SGCZ: variants seen among roughly 807,000 people sequenced by gnomAD.
The protein encoded by SGCZ is sarcoglycan zeta.
Under a neutral mutation model 41.3 loss-of-function variants are expected in SGCZ, and 40 were observed. That is an observed-to-expected ratio of 0.97 (90% CI 0.75 to 1.26). The LOEUF is 1.26. SGCZ is among the 50% of genes most tolerant of loss of function. The probability of loss-of-function intolerance (pLI) is 0.00; values close to 1 mark genes in which losing one functional copy is unlikely to be tolerated. For synonymous variants in SGCZ, 206 were observed against 137.5 expected (o/e 1.50, Z -3.49); for missense variants, 552 against 369.8 (o/e 1.49, Z -4.04).
chr8:14,126,123 AC>A (rs561756158), intron 5 of SGCZ, among the ~76,000 whole-genome samples: 371 of 152,354 alleles, frequency 2.4e-3, no homozygotes, highest in African/African-American at 8.1e-3. Flanking sequence ...GCTAAAATTG[AC>A]AAATAGGATC....
At chr8:14,680,179 T>A (rs1047850936) in intron 1 of SGCZ, among the ~76,000 whole-genome samples, 3 of 152,064 alleles carry the variant, frequency 2.0e-5, no homozygotes, top group African/African-American at 7.2e-5. Flanking sequence ...AGTACAGTGG[T>A]TGCAAGAGGT....
chr8:15,054,527 T>C (rs1804632606), intron 1 of SGCZ, among the ~76,000 whole-genome samples: 1 of 152,228 alleles, frequency 6.6e-6, no homozygotes, highest in Non-Finnish European at 1.5e-5. Flanking sequence ...TGACCCTTTA[T>C]TCCATGTCTT....
chr8:14,371,106 A>C (rs182604646), intron 2 of SGCZ, among the ~76,000 whole-genome samples: 1 of 152,114 alleles, frequency 6.6e-6, no homozygotes, highest in East Asian at 1.9e-4. Flanking sequence ...AAATATTCAC[A>C]AAATAGCAAA....
chr8:15,059,107 G>A (rs544811365), intron 1 of SGCZ, among the ~76,000 whole-genome samples: 6 of 152,026 alleles, frequency 3.9e-5, no homozygotes, highest in South Asian at 2.1e-4. Context: ...AAGTTGTTAC[G>A]ATATGTTTCC....
At chr8:14,374,458 C>T (rs1427457561) in intron 2 of SGCZ, among the ~76,000 whole-genome samples, 2 of 151,978 alleles carry the variant, frequency 1.3e-5, no homozygotes, top group African/African-American at 4.8e-5. Context: ...TGATGTAATT[C>T]TTAACTAATT....
chr8:15,184,928 C>T (rs1017243173), intron 1 of SGCZ, among the ~76,000 whole-genome samples: 5 of 152,084 alleles, frequency 3.3e-5, no homozygotes, highest in Admixed American at 6.6e-5. Context: ...TGTCTGTCTC[C>T]TGACTGGCAA....
intron 2 of SGCZ, among the ~76,000 whole-genome samples, chr8:14,524,017 A>C (rs1480803282): frequency 6.6e-6 from 1 of 152,106 alleles, no homozygotes; most frequent in Admixed American, 6.6e-5. Flanking sequence ...TGTTGAAAAC[A>C]TTCATTGAGT....
At chr8:14,218,366 A>C (rs1234955581) in intron 4 of SGCZ, among the ~76,000 whole-genome samples, 2 of 152,250 alleles carry the variant, frequency 1.3e-5, no homozygotes, top group Non-Finnish European at 2.9e-5. Flanking sequence ...GAAGAAAATT[A>C]ATGAAAGATG....
At chr8:15,140,141 G>T (rs950817113) in intron 1 of SGCZ, among the ~76,000 whole-genome samples, 1 of 151,860 alleles carries the variant, frequency 6.6e-6, no homozygotes, top group African/African-American at 2.4e-5. Flanking sequence ...TCCTATCTTA[G>T]CCTCCTGAGT....
At chr8:14,534,906 G>A (rs1244802417) in intron 2 of SGCZ, among the ~76,000 whole-genome samples, 1 of 151,916 alleles carries the variant, frequency 6.6e-6, no homozygotes, top group Non-Finnish European at 1.5e-5. Flanking sequence ...TAGTTTCTCA[G>A]ATCAACATTA....
chr8:15,005,300 A>G (rs1319818213), intron 1 of SGCZ, among the ~76,000 whole-genome samples: 1 of 137,572 alleles, frequency 7.3e-6, no homozygotes, highest in African/African-American at 2.7e-5. Context: ...CCCCCTCCCC[A>G]CGCCCCCTCC....
intron 1 of SGCZ, among the ~76,000 whole-genome samples, chr8:14,929,330 C>A (rs1799860439): frequency 6.6e-6 from 1 of 152,124 alleles, no homozygotes; most frequent in Non-Finnish European, 1.5e-5. Context: ...TGTAGACACT[C>A]TGTGCTGCTA....
At chr8:14,625,260 G>C (rs992920008) in intron 1 of SGCZ, among the ~76,000 whole-genome samples, 1 of 151,968 alleles carries the variant, frequency 6.6e-6, no homozygotes, top group Admixed American at 6.6e-5. Flanking sequence ...TGCATATTTT[G>C]AAATCTTTAT....
Position 14,652,428 on chromosome 8 carries a change from C to T in SGCZ, c.40-97502G>A, listed in dbSNP as rs924138316. ...AATATTTGAACAATTCCTATGAAGA[C>T]AATGATATCTATAAGCAATTAAGTA... On this transcript the variant is annotated intron_variant, in intron 1 of 7. Transcript: ENST00000382080. Among the ~76,000 whole-genome samples, 4 of 150,890 alleles carry T rather than the reference C, an allele frequency of 2.7e-5. No individual in the cohort carries two copies. The East Asian group carries it at 7.8e-4, about 29-fold the overall frequency.
intron 1 of SGCZ, among the ~76,000 whole-genome samples, chr8:14,634,217 G>A (rs948454923): frequency 3.3e-5 from 5 of 151,762 alleles, no homozygotes; most frequent in African/African-American, 7.2e-5. Context: ...AGATTTTCAT[G>A]AGTAATAATT....
chr8:14,678,006 T>C (rs1241306989), intron 1 of SGCZ, among the ~76,000 whole-genome samples: 2 of 152,078 alleles, frequency 1.3e-5, no homozygotes, highest in Non-Finnish European at 2.9e-5. Flanking sequence ...AAACAATTAA[T>C]TTAGACACAG....
intron 1 of SGCZ, among the ~76,000 whole-genome samples, chr8:15,089,737 A>G (rs562777180): frequency 1.3e-5 from 2 of 152,172 alleles, no homozygotes; most frequent in Non-Finnish European, 2.9e-5. Context: ...CATGAACAGA[A>G]TGTGCTTACA....
chr8:14,333,371 G>A (rs745879914), intron 2 of SGCZ, among the ~76,000 whole-genome samples: 3 of 151,990 alleles, frequency 2.0e-5, no homozygotes, highest in Non-Finnish European at 4.4e-5. Context: ...ATAATGTTTT[G>A]TACCCTAAAA....
chr8:14,683,956 A>G (rs1808526707), intron 1 of SGCZ, among the ~76,000 whole-genome samples: 1 of 152,172 alleles, frequency 6.6e-6, no homozygotes, highest in African/African-American at 2.4e-5. Context: ...TAAAATCTGA[A>G]TGTGTTTCAT....
Sources: gnomAD v4.1 joint callset for allele counts (sites outside exome capture counted in the v4.1 genomes callset) on GRCh38, gnomAD v4.1.1 for gene constraint, MANE v1.5 for transcripts, NCBI Gene and HGNC (gene_info 2026-07-23, HGNC 2026-07-21) for gene names.